The following ZNF208 variants were observed in gnomAD, a reference collection of about 807,000 sequenced individuals.
ZNF208 encodes the protein zinc finger protein 95.
ZNF208 carries 10 observed loss-of-function variants against 12.1 expected under a neutral mutation model. The observed-to-expected ratio is 0.83, with a 90% CI of 0.51 to 1.40. ZNF208 has a LOEUF of 1.40. ZNF208 is among the 40% of genes most tolerant of loss of function. The pLI is 0.00. For synonymous variants in ZNF208, 497 were observed against 488.4 expected (o/e 1.02, Z -0.23); for missense variants, 1,652 against 1,485.0 (o/e 1.11, Z -1.85).
chr19:21,973,498 A>G lies in ZNF208; in HGVS notation c.1536T>C (p.Leu512=), dbSNP rs1188276742. 3 of 1,613,050 alleles carry G rather than the reference A, an allele frequency of 1.9e-6. No individual in the cohort carries two copies. In the Admixed American group the frequency reaches 5.0e-5, roughly 27 times the overall value. ...CGKAFNWSSN[L]MEHKRIHTGE... is the part of the protein sequence containing the mutation. ...CAGTATGAATTCTCTTATGTTCCAT[A>G]AGGTTTGAGGACCAGTTGAAAGCTT... The change falls in exon 4 of 4, where the codon CTT becomes CTC. Residue 512 remains leucine, a synonymous_variant. Transcript: ENST00000397126.
chr19:21,984,291 A>G (rs189686207), intron 3 of ZNF208, among the ~76,000 whole-genome samples: 151 of 152,342 alleles, frequency 9.9e-4, no homozygotes, highest in Non-Finnish European at 1.1e-3. Flanking sequence ...GCGGTGGCTC[A>G]TGCCTGTAAT....
At chr19:21,952,878 A>G (rs1969913708) in intron 4 of ZNF208, among the ~76,000 whole-genome samples, 1 of 152,196 alleles carries the variant, frequency 6.6e-6, no homozygotes, top group Non-Finnish European at 1.5e-5. Context: ...TCTGAGCTAA[A>G]GGAGCATGTT....
Position 21,972,031 on chromosome 19 carries a change from G to C in ZNF208, c.3003C>G (p.Tyr1001Ter). 6.2e-7 allele frequency: 1 copy of C among 1,613,860 alleles called. No homozygotes were observed. Among genetic ancestry groups the C allele is most frequent in the Admixed American group, 1.7e-5 (1 of 59,934 alleles). The change falls in exon 4 of 4, where the codon TAC becomes TAG. Residue 1001 changes from tyrosine (Y) to a stop codon, truncating the protein, a stop_gained. Coordinates refer to ENST00000397126, the MANE Select transcript of ZNF208 (RefSeq NM_007153.3). LOFTEE classifies it low-confidence loss of function (END_TRUNC). ...HKVIHTGEKP[Y>*]KCEECGKAFN... The stretch of plus-strand genomic sequence containing the variant: ...AAGCTTTGCCACATTCTTCACATTT[G>C]TAGGGTTTCTCTCCAGTATGAATTA...
rs58939967 is a variant in ZNF208 at position 22,001,892 on chromosome 19, C to CAAAAAA, written c.3+8894_3+8899dup. ...TGGATGACACAGTGAGACTCCATCC[C>CAAAAAA]AAAAAAAAAAAAAAAAAAAAAAAAA... is the stretch of plus-strand genomic sequence containing the variant. On this transcript the variant is annotated intron_variant, in intron 1 of 3. Coordinates refer to ENST00000397126, the MANE Select transcript of ZNF208 (RefSeq NM_007153.3). Among the ~76,000 whole-genome samples, 367 of 74,084 alleles carry CAAAAAA rather than the reference C, an allele frequency of 5.0e-3. 35 individuals are homozygous for CAAAAAA. Among genetic ancestry groups the CAAAAAA allele is most frequent in the Middle Eastern group, 8.2e-3 (1 of 122 alleles). 48.6% of individuals were successfully genotyped at this position (74,084 alleles called of 152,430 possible). A position where few individuals can be genotyped will look rare whatever the true frequency, so the allele number is the denominator to read the frequency against.
chr19:21,984,348 A>G (rs1323623142), intron 3 of ZNF208, among the ~76,000 whole-genome samples: 5 of 152,136 alleles, frequency 3.3e-5, no homozygotes, highest in Admixed American at 3.3e-4. Context: ...AGGTCAGGAG[A>G]TCAAGACCAT....
intron 3 of ZNF208, among the ~76,000 whole-genome samples, chr19:21,979,771 A>ACT (rs1389000064): frequency 6.6e-6 from 1 of 152,234 alleles, no homozygotes; most frequent in Non-Finnish European, 1.5e-5. Flanking sequence ...CCCCAATTAA[A>ACT]AGACACAGAC....
At chr19:21,964,989 A>G (rs1438464149), downstream of ZNF208, among the ~76,000 whole-genome samples, 2 of 151,964 alleles carry the variant, frequency 1.3e-5, no homozygotes, top group African/African-American at 2.4e-5. Context: ...AAGCCTATAA[A>G]TTTTATTTAA....
chr19:22,000,392 A>T (rs1033086928), intron 1 of ZNF208, among the ~76,000 whole-genome samples: 4 of 152,208 alleles, frequency 2.6e-5, no homozygotes, highest in African/African-American at 9.6e-5. Flanking sequence ...AAAATGATTC[A>T]ATACCAATAA....
downstream of ZNF208, among the ~76,000 whole-genome samples, chr19:21,964,271 T>C (rs1055545557): frequency 6.6e-6 from 1 of 151,846 alleles, no homozygotes; most frequent in African/African-American, 2.4e-5. Context: ...TGCTCATTTA[T>C]AGATGTAGGT....
intron 4 of ZNF208, among the ~76,000 whole-genome samples, chr19:21,949,534 C>G (rs1465019441): frequency 1.3e-5 from 2 of 152,068 alleles, no homozygotes; most frequent in African/African-American, 4.8e-5. Flanking sequence ...TTTTATACCA[C>G]CTTATTAAAA....
rs200355555 is a variant in ZNF208 at position 21,970,666 on chromosome 19, C to T, written c.*525G>A. On this transcript the variant is annotated 3_prime_UTR_variant, in exon 4 of 4. Coordinates refer to ENST00000397126, the MANE Select transcript of ZNF208 (RefSeq NM_007153.3). ...CATAAGGTTTGAGGACTGGTTGAAG[C>T]CTTTGCCACATTCTTCTCATTTGTA... The T allele has an allele frequency of 4.7e-6, 5 of 1,053,030 alleles. No homozygotes were observed. Among genetic ancestry groups the T allele is most frequent in the African/African-American group, 1.6e-5 (1 of 63,502 alleles). 65.2% of individuals were successfully genotyped at this position (1,053,030 alleles called of 1,614,324 possible). A position where few individuals can be genotyped will look rare whatever the true frequency, so the allele number is the denominator to read the frequency against.
intron 4 of ZNF208, among the ~76,000 whole-genome samples, chr19:21,952,140 G>A (rs140598070): frequency 1.3e-5 from 2 of 152,206 alleles, no homozygotes; most frequent in Non-Finnish European, 2.9e-5. Context: ...AAACGAAGTG[G>A]CCGGGAAGCT....
intron 1 of ZNF208, among the ~76,000 whole-genome samples, chr19:22,010,270 A>T (rs1182880550): frequency 2.0e-5 from 3 of 152,184 alleles, no homozygotes; most frequent in Non-Finnish European, 2.9e-5. Context: ...CTCGTTATGC[A>T]CCTTATAAAA....
intron 1 of ZNF208, among the ~76,000 whole-genome samples, chr19:22,005,197 G>C (rs1488258238): frequency 6.6e-6 from 1 of 152,226 alleles, no homozygotes; most frequent in Non-Finnish European, 1.5e-5. Flanking sequence ...TAAAATTCCT[G>C]AGGGTGGTGC....
chr19:22,004,477 C>T (rs1971011338), intron 1 of ZNF208, among the ~76,000 whole-genome samples: 1 of 152,148 alleles, frequency 6.6e-6, no homozygotes, highest in Non-Finnish European at 1.5e-5. Flanking sequence ...CAAGCCACTG[C>T]ACTCCAGCCT....
At chr19:21,951,534 A>G (rs1384145576) in intron 4 of ZNF208, among the ~76,000 whole-genome samples, 2 of 152,278 alleles carry the variant, frequency 1.3e-5, no homozygotes, top group Non-Finnish European at 2.9e-5. Flanking sequence ...GTGTAAAAAT[A>G]TTAACTAAAT....
In ZNF208 at chr19:21,972,625, T is replaced by A. The variant is rs1275617522; in HGVS notation, c.2409A>T (p.Lys803Asn). ...IKHKRIHTDE[K>N]PYKCEECGKT... is the part of the protein sequence containing the mutation. ...TGCCACATTCTTCACATTTGTAGGGTTTCTCATCAGTATGAATTCTCTTAT... is the reference window on the plus strand; with the variant it reads ...TGCCACATTCTTCACATTTGTAGGGATTCTCATCAGTATGAATTCTCTTAT... The change falls in exon 4 of 4, where the codon AAA (lysine) becomes AAT (asparagine). Residue 803 changes from lysine to asparagine, a missense_variant. Coordinates refer to ENST00000397126, the MANE Select transcript of ZNF208 (RefSeq NM_007153.3). 1.2e-6 allele frequency: 2 copies of A among 1,612,996 alleles called. No homozygotes were observed. The highest frequency in any genetic ancestry group is 1.7e-6 in the Non-Finnish European group (2 of 1,179,814).
Position 21,989,892 on chromosome 19 carries a change from T to G in ZNF208, c.4-983A>C, listed in dbSNP as rs201685312. Among the ~76,000 whole-genome samples, 24 of 152,234 alleles carry G rather than the reference T, an allele frequency of 1.6e-4. No individual in the cohort carries two copies. The East Asian group carries it at 1.9e-3, about 12-fold the overall frequency. Reference sequence around the variant, plus strand: ...TGCATAAATATCTTCTTTGGAGAAGTGTCTGTTCATATCCTTTGCCCACTT... The same window carrying G: ...TGCATAAATATCTTCTTTGGAGAAGGGTCTGTTCATATCCTTTGCCCACTT... On this transcript the variant is annotated intron_variant, in intron 1 of 3. Coordinates refer to ENST00000397126, the MANE Select transcript of ZNF208 (RefSeq NM_007153.3).
downstream of ZNF208, among the ~76,000 whole-genome samples, chr19:21,963,388 G>A (rs1970110343): frequency 6.6e-6 from 1 of 151,966 alleles, no homozygotes; most frequent in South Asian, 2.1e-4. Flanking sequence ...ACTTTTTGAA[G>A]TTGGAGTGAT....
Sources: allele counts gnomAD v4.1 joint callset (sites outside exome capture counted in the v4.1 genomes callset), GRCh38; gene constraint gnomAD v4.1.1; transcripts MANE v1.5; gene names NCBI Gene and HGNC (gene_info 2026-07-23, HGNC 2026-07-21).